RGS22: variants seen among roughly 807,000 people sequenced by gnomAD.
RGS22 encodes the protein regulator of G-protein signaling 22.
A neutral mutation model predicts 172.9 loss-of-function variants in RGS22; 148 were observed. That is an observed-to-expected ratio of 0.86 (90% CI 0.75 to 0.98). RGS22 has a LOEUF of 0.98. Among genes scored for constraint, RGS22 ranks in the 50% least tolerant of loss-of-function variants. The pLI is 0.00. For missense variants in RGS22, 1,347 were observed against 1,440.8 expected, an observed-to-expected ratio of 0.93 and a Z score of 1.05; for synonymous variants, 458 against 480.2, an observed-to-expected ratio of 0.95 and a Z score of 0.60.
intron 14 of RGS22, among the ~76,000 whole-genome samples, chr8:100,029,928 A>G (rs1017320311): frequency 2.6e-5 from 4 of 152,202 alleles, no homozygotes; most frequent in African/African-American, 9.7e-5. Context: ...GATTTAACTC[A>G]ATGGGTAAGT....
At chr8:99,993,780 C>T (rs1041294592) in intron 20 of RGS22, among the ~76,000 whole-genome samples, 6 of 152,296 alleles carry the variant, frequency 3.9e-5, no homozygotes, top group African/African-American at 1.4e-4. Flanking sequence ...CCAACGTCAT[C>T]CTGATACCAA....
intron 2 of RGS22, among the ~76,000 whole-genome samples, chr8:100,102,434 G>A (rs1303177800): frequency 2.6e-5 from 4 of 152,208 alleles, no homozygotes; most frequent in East Asian, 3.8e-4. Context: ...CTAAGAATAC[G>A]TAATTTATTA....
chr8:100,101,290 C>G (rs1813455733), intron 2 of RGS22, among the ~76,000 whole-genome samples: 1 of 140,958 alleles, frequency 7.1e-6, no homozygotes. Flanking sequence ...TCCTAAATTT[C>G]TTTTTTTTTT....
intron 4 of RGS22, among the ~76,000 whole-genome samples, chr8:100,075,145 A>C (rs560581829): frequency 5.9e-5 from 9 of 152,172 alleles, no homozygotes; most frequent in Admixed American, 2.6e-4. Flanking sequence ...ATGGGCAGTG[A>C]TATGGTATGG....
intron 5 of RGS22, 95 bp downstream of exon 5, chr8:100,072,050 T>C: frequency 1.4e-6 from 1 of 710,550 alleles, no homozygotes; most frequent in Non-Finnish European, 2.3e-6. Context: ...TTTAAAAGAT[T>C]TGCCACACAT....
chr8:100,105,836 G>A (rs1274413742), intron 1 of RGS22, 61 bp downstream of exon 1: 1 of 1,403,554 alleles, frequency 7.1e-7, no homozygotes, highest in Non-Finnish European at 9.6e-7. Flanking sequence ...CCAGAGGCTG[G>A]CGCGTGGTGC....
rs761163142 is a variant in RGS22 at position 100,072,276 on chromosome 8, C to G, written c.340-46G>C. ...AGAAAAAGAAGGTCAGAGAAAATCA[C>G]TTTTAGGATGATTAACACCTAATAG... On this transcript the variant is annotated intron_variant, in intron 4 of 27. Coordinates refer to ENST00000360863, the MANE Select transcript of RGS22 (RefSeq NM_015668.5). The G allele has an allele frequency of 2.4e-6, 3 of 1,251,024 alleles. No homozygotes were observed. The African/African-American group carries it at 4.5e-5, about 19-fold the overall frequency. The allele number at this position is 1,251,024 out of a possible 1,614,324, so 77.5% of individuals were successfully genotyped here. A position where few individuals can be genotyped will look rare whatever the true frequency, so the allele number is the denominator to read the frequency against.
chr8:100,026,880 C>A lies in RGS22; in HGVS notation c.2166+12051G>T, dbSNP rs560841842. Reference sequence around the variant, plus strand: ...CCGATGACTTAAAAGTAAAACAAAACAATAACCAACTGTTTTCTGCCAGTA... The same window carrying A: ...CCGATGACTTAAAAGTAAAACAAAAAAATAACCAACTGTTTTCTGCCAGTA... On this transcript the variant is annotated intron_variant, in intron 14 of 27. Transcript: ENST00000360863. 2.0e-4 allele frequency among the ~76,000 whole-genome samples: 30 copies of A among 152,292 alleles called. No homozygotes were observed. The Middle Eastern group carries it at 0.014, about 69-fold the overall frequency.
chr8:100,070,691 A>C (rs959438860), intron 6 of RGS22, among the ~76,000 whole-genome samples: 1 of 152,250 alleles, frequency 6.6e-6, no homozygotes, highest in Non-Finnish European at 1.5e-5. Context: ...ATGCCAAAAA[A>C]AAGAGAGCAG....
At chr8:100,033,529 G>C (rs1819083048) in intron 14 of RGS22, among the ~76,000 whole-genome samples, 1 of 141,420 alleles carries the variant, frequency 7.1e-6, no homozygotes, top group Non-Finnish European at 1.5e-5. Context: ...GTAATTAATA[G>C]CCTACCAACC....
intron 8 of RGS22, among the ~76,000 whole-genome samples, chr8:100,063,195 C>G (rs1810281479): frequency 6.6e-6 from 1 of 151,928 alleles, no homozygotes; most frequent in Non-Finnish European, 1.5e-5. Flanking sequence ...ATTACGCAAA[C>G]CCAAATAACT....
intron 15 of RGS22, among the ~76,000 whole-genome samples, chr8:100,008,018 TTTTTA>T (rs976852207): frequency 2.0e-5 from 3 of 151,508 alleles, no homozygotes; most frequent in African/African-American, 4.8e-5. Context: ...TTTATTTTTA[TTTTTA>T]TTTTATTTTT....
intron 12 of RGS22, among the ~76,000 whole-genome samples, chr8:100,040,874 C>T (rs956522577): frequency 6.6e-6 from 1 of 152,050 alleles, no homozygotes; most frequent in Non-Finnish European, 1.5e-5. Context: ...CTCCATTTCT[C>T]CACCTCTCTA....
At position 100,056,932 on chromosome 8, in the gene RGS22, C is replaced by T. The variant is rs138910819; in HGVS notation, c.1515-3956G>A. On this transcript the variant is annotated intron_variant, in intron 9 of 27. Transcript: ENST00000360863. ...GACCCCGGAATGGTAGATCCACCAA[C>T]AGTTTGCACTGTGTGCCCGGAAAAG... 2.4e-4 allele frequency among the ~76,000 whole-genome samples: 36 copies of T among 152,340 alleles called. No homozygotes were observed. In the East Asian group the frequency reaches 6.6e-3, roughly 28 times the overall value.
At chr8:99,980,408 T>C (rs1812427866) in intron 22 of RGS22, among the ~76,000 whole-genome samples, 1 of 152,130 alleles carries the variant, frequency 6.6e-6, no homozygotes, top group South Asian at 2.1e-4. Flanking sequence ...GAGATGTGGA[T>C]AGAATGACAG....
chr8:100,031,140 T>C (rs13270314), intron 14 of RGS22, among the ~76,000 whole-genome samples: 1 of 152,162 alleles, frequency 6.6e-6, no homozygotes, highest in Non-Finnish European at 1.5e-5. Flanking sequence ...AAACAAAATG[T>C]AAAACATTAT....
At chr8:100,088,065 C>T (rs971824653) in intron 3 of RGS22, among the ~76,000 whole-genome samples, 8 of 152,064 alleles carry the variant, frequency 5.3e-5, no homozygotes, top group African/African-American at 1.9e-4. Context: ...AACCCTTCAT[C>T]CCATGCATTC....
intron 4 of RGS22, among the ~76,000 whole-genome samples, chr8:100,073,678 C>T (rs1033152640): frequency 2.1e-4 from 32 of 152,140 alleles, no homozygotes; most frequent in African/African-American, 7.7e-4. Flanking sequence ...CAATGTATCA[C>T]AGAAAGATAC....
chr8:100,049,494 A>G (rs575417322), intron 10 of RGS22, among the ~76,000 whole-genome samples: 100 of 152,252 alleles, frequency 6.6e-4, no homozygotes, highest in Non-Finnish European at 1.2e-3. Flanking sequence ...CCACTTTTTC[A>G]CACAAGCTAA....
Sources: gnomAD v4.1 joint callset for allele counts (sites outside exome capture counted in the v4.1 genomes callset) on GRCh38, gnomAD v4.1.1 for gene constraint, MANE v1.5 for transcripts, NCBI Gene and HGNC (gene_info 2026-07-23, HGNC 2026-07-21) for gene names.